Variants in SLC39A9 observed in about 807,000 individuals in gnomAD.
SLC39A9 encodes zinc transporter ZIP9.
SLC39A9 carries 14 observed loss-of-function variants against 28.4 expected under a neutral mutation model. That is an observed-to-expected ratio of 0.49 (90% CI 0.33 to 0.77). The LOEUF (loss-of-function observed/expected upper bound fraction) is 0.77. Ranked by LOEUF, SLC39A9 falls within the 30% of genes least tolerant of loss-of-function variation. The pLI, the probability that SLC39A9 is intolerant of heterozygous loss-of-function variation, is 0.02. For missense variants in SLC39A9, 283 were observed against 381.1 expected (o/e 0.74, Z 2.14); for synonymous variants, 119 against 149.6 (o/e 0.80, Z 1.49).
intron 1 of SLC39A9, among the ~76,000 whole-genome samples, chr14:69,422,691 T>G (rs1485026612): frequency 6.6e-6 from 1 of 152,140 alleles, no homozygotes; most frequent in Non-Finnish European, 1.5e-5. Context: ...TTCAAGTGAT[T>G]CTCCTGTCTC....
In SLC39A9 at chr14:69,429,465, A is replaced by G. The variant is rs1884374353; in HGVS notation, c.205+5263A>G. 2.0e-5 allele frequency: 3 copies of G among 152,270 alleles called. No homozygotes were observed. The South Asian group carries it at 6.2e-4, about 32-fold the overall frequency. The allele number at this position is 152,270 out of a possible 1,614,324, so 9.4% of individuals were successfully genotyped here. ...GGTTTGGGTGACTATGAATAAAGTC[A>G]CTATTAATGTACTGGTTGTTGTATG... On this transcript the variant is annotated intron_variant, in intron 2 of 6. Transcript: ENST00000336643.
intron 1 of SLC39A9, among the ~76,000 whole-genome samples, chr14:69,412,008 C>A (rs891759668): frequency 2.6e-5 from 4 of 151,868 alleles, no homozygotes; most frequent in Non-Finnish European, 5.9e-5. Context: ...ATCTCGATCT[C>A]TTGACCTCGT....
Position 69,459,423 on chromosome 14 carries a change from G to A in SLC39A9, c.*830G>A, listed in dbSNP as rs1886015889. 2 of 985,226 alleles carry A rather than the reference G, an allele frequency of 2.0e-6. No homozygotes were observed. The highest frequency in any genetic ancestry group is 1.7e-5 in the African/African-American group (1 of 57,212). 61.0% of individuals were successfully genotyped at this position (985,226 alleles called of 1,614,324 possible). ...GTTTCAGTTCTAGGCTTTCCTTCAA[G>A]AACAGTCAGATCACAAAGTGTCTTT... is the stretch of plus-strand genomic sequence containing the variant. On this transcript the variant is annotated 3_prime_UTR_variant, in exon 7 of 7. Coordinates refer to ENST00000336643, the MANE Select transcript of SLC39A9 (RefSeq NM_018375.5).
chr14:69,458,357 T>A lies in SLC39A9; in HGVS notation c.694-6T>A. ...GTTTTTCCTCTTTCTCTCTTCTAAT[T>A]CACAGAGCAGTAAAGAAGCCCTTTC... On this transcript the variant is annotated splice_region_variant and splice_polypyrimidine_tract_variant and intron_variant, in intron 6 of 6. Transcript: ENST00000336643. 3 of 1,613,718 alleles carry A rather than the reference T, an allele frequency of 1.9e-6. No individual in the cohort carries two copies. The highest frequency in any genetic ancestry group is 2.5e-6 in the Non-Finnish European group (3 of 1,179,920).
chr14:69,399,272 C>T lies in SLC39A9; in HGVS notation c.-98C>T. The T allele has an allele frequency of 9.4e-7, 1 of 1,062,308 alleles. No homozygotes were observed. Among genetic ancestry groups the T allele is most frequent in the Non-Finnish European group, 1.4e-6 (1 of 703,534 alleles). The allele number at this position is 1,062,308 out of a possible 1,614,324, so 65.8% of individuals were successfully genotyped here. On this transcript the variant is annotated 5_prime_UTR_variant, in exon 1 of 7. Transcript: ENST00000336643. Reference sequence around the variant, plus strand: ...GGCCTAAAGAACTGGAAAGCCCACTCTCTTGGAACCACCACACCTGTTTAA... The same window carrying T: ...GGCCTAAAGAACTGGAAAGCCCACTTTCTTGGAACCACCACACCTGTTTAA...
At chr14:69,428,113 A>G (rs1395354133) in intron 2 of SLC39A9, among the ~76,000 whole-genome samples, 2 of 152,148 alleles carry the variant, frequency 1.3e-5, no homozygotes, top group Non-Finnish European at 2.9e-5. Context: ...CCCCATCTCT[A>G]CTAAAAATAC....
intron 1 of SLC39A9, among the ~76,000 whole-genome samples, chr14:69,400,179 T>C (rs1352290782): frequency 1.3e-5 from 2 of 152,260 alleles, no homozygotes; most frequent in Non-Finnish European, 2.9e-5. Context: ...TTTTGTTTTT[T>C]GGATGTCTGT....
At chr14:69,407,815 T>A (rs1390683797) in intron 1 of SLC39A9, among the ~76,000 whole-genome samples, 1 of 150,866 alleles carries the variant, frequency 6.6e-6, no homozygotes, top group Non-Finnish European at 1.5e-5. Context: ...GTTTTGTAGT[T>A]TTAGTAGAGA....
chr14:69,458,439 T>A lies in SLC39A9; in HGVS notation c.770T>A (p.Val257Asp). The stretch of plus-strand genomic sequence containing the variant: ...TTCTCTGCCGGGACATTTCTTTATG[T>A]TGCCACAGTACATGTCCTCCCTGAG... ...MLFSAGTFLY[V>D]ATVHVLPEVG... is the part of the protein sequence containing the mutation. The change falls in exon 7 of 7, where the codon GTT becomes GAT. Residue 257 changes from valine to aspartate, a missense_variant. Physicochemically the swap from Val to Asp is radical, Grantham distance 152. Transcript: ENST00000336643. 6.2e-7 allele frequency: 1 copy of A among 1,614,272 alleles called. No individual in the cohort carries two copies. Among genetic ancestry groups the A allele is most frequent in the Non-Finnish European group, 8.5e-7 (1 of 1,180,042 alleles).
At chr14:69,426,925 C>CAT (rs1229666225) in intron 2 of SLC39A9, among the ~76,000 whole-genome samples, 1 of 151,850 alleles carries the variant, frequency 6.6e-6, no homozygotes, top group Admixed American at 6.6e-5. Flanking sequence ...TATGTACACA[C>CAT]ATACACACAC....
At chr14:69,449,631 AAAG>A (rs1197609299) in intron 3 of SLC39A9, among the ~76,000 whole-genome samples, 2 of 152,188 alleles carry the variant, frequency 1.3e-5, no homozygotes, top group Non-Finnish European at 2.9e-5. Context: ...TGTCTTAAAA[AAAG>A]AGAGAGAAAA....
intron 1 of SLC39A9, among the ~76,000 whole-genome samples, chr14:69,406,685 T>TAAA (rs1200169340): frequency 6.5e-4 from 86 of 133,122 alleles, no homozygotes; most frequent in African/African-American, 2.3e-3. Context: ...GAGACTGTCT[T>TAAA]AAAAAAAAAA....
chr14:69,454,692 A>G lies in SLC39A9; in HGVS notation c.473-120A>G, dbSNP rs1594952245. 1.5e-5 allele frequency: 10 copies of G among 656,568 alleles called. No individual in the cohort carries two copies. In the East Asian group the frequency reaches 2.7e-4, roughly 18 times the overall value. The allele number at this position is 656,568 out of a possible 1,614,324, so 40.7% of individuals were successfully genotyped here. On this transcript the variant is annotated intron_variant, in intron 4 of 6. Transcript: ENST00000336643. ...TTAAAGATAAGGCTGGCATGTAGAA[A>G]GGTTAAGTAACATTACTAGATCCAG... is the stretch of plus-strand genomic sequence containing the variant.
intron 3 of SLC39A9, among the ~76,000 whole-genome samples, chr14:69,444,596 C>A (rs1279367691): frequency 6.6e-6 from 1 of 152,138 alleles, no homozygotes; most frequent in East Asian, 1.9e-4. Context: ...AGGAATTTGG[C>A]AGTATCTTAC....
Position 69,460,388 on chromosome 14 carries a change from C to T in SLC39A9, c.*1795C>T, listed in dbSNP as rs975654115. The T allele has an allele frequency of 2.0e-6, 2 of 985,314 alleles. No homozygotes were observed. Among genetic ancestry groups the T allele is most frequent in the African/African-American group, 1.7e-5 (1 of 57,224 alleles). 61.0% of individuals were successfully genotyped at this position (985,314 alleles called of 1,614,324 possible). A position where few individuals can be genotyped will look rare whatever the true frequency, so the allele number is the denominator to read the frequency against. On this transcript the variant is annotated 3_prime_UTR_variant, in exon 7 of 7. Coordinates refer to ENST00000336643, the MANE Select transcript of SLC39A9 (RefSeq NM_018375.5). ...GCAACAATTGCATACAATTTTACTA[C>T]CAAGAGAAGGTATAGTATGGAAAGT...
Position 69,455,794 on chromosome 14 carries a change from C to G in SLC39A9, c.621C>G (p.Ile207Met). 2 of 1,614,182 alleles carry G rather than the reference C, an allele frequency of 1.2e-6. No individual in the cohort carries two copies. Among genetic ancestry groups the G allele is most frequent in the Non-Finnish European group, 1.7e-6 (2 of 1,180,030 alleles). ...LMHAGLERNR[I>M]RKHLLVFALA... Reference sequence around the variant, plus strand: ...ATGCTGGCTTAGAGCGGAATCGAATCAGAAAGCACTTGCTGGTCTTTGCAT... The same window carrying G: ...ATGCTGGCTTAGAGCGGAATCGAATGAGAAAGCACTTGCTGGTCTTTGCAT... The change falls in exon 6 of 7, where the codon ATC (isoleucine) becomes ATG (methionine). Residue 207 changes from isoleucine to methionine, a missense_variant. Physicochemically the swap from Ile to Met is conservative, Grantham distance 10. Coordinates refer to ENST00000336643, the MANE Select transcript of SLC39A9 (RefSeq NM_018375.5).
At chr14:69,443,031 A>G (rs1885119828) in intron 3 of SLC39A9, among the ~76,000 whole-genome samples, 1 of 152,230 alleles carries the variant, frequency 6.6e-6, no homozygotes, top group Non-Finnish European at 1.5e-5. Flanking sequence ...AGACTTTTCA[A>G]ATTTGACTCC....
intron 1 of SLC39A9, among the ~76,000 whole-genome samples, chr14:69,406,234 T>C (rs917697611): frequency 1.3e-5 from 2 of 152,180 alleles, no homozygotes; most frequent in African/African-American, 2.4e-5. Context: ...CAAATACCAT[T>C]GAAACCTATA....
At chr14:69,423,828 G>A (rs1174767068) in intron 1 of SLC39A9, among the ~76,000 whole-genome samples, 1 of 151,636 alleles carries the variant, frequency 6.6e-6, no homozygotes, top group East Asian at 1.9e-4. Flanking sequence ...AACTTGGGAG[G>A]CGAAGGCTGC....
Sources: gnomAD v4.1 joint callset for allele counts (sites outside exome capture counted in the v4.1 genomes callset) on GRCh38, gnomAD v4.1.1 for gene constraint, MANE v1.5 for transcripts, NCBI Gene and HGNC (gene_info 2026-07-23, HGNC 2026-07-21) for gene names.